Variants in EDARADD observed in about 807,000 individuals in gnomAD.
EDARADD encodes ectodysplasin-A receptor-associated adapter protein.
A neutral mutation model predicts 25.6 loss-of-function variants in EDARADD; 20 were observed. The ratio of observed to expected loss-of-function variants is 0.78; its 90% confidence interval spans 0.55 to 1.14. The LOEUF is 1.14. EDARADD is among the 50% of genes most tolerant of loss of function. EDARADD has a pLI of 0.00. For missense variants in EDARADD, 225 were observed against 270.1 expected (o/e 0.83, Z 1.17); for synonymous variants, 86 against 94.4 (o/e 0.91, Z 0.52).
intron 1 of EDARADD, among the ~76,000 whole-genome samples, chr1:236,405,666 CT>C (rs5781877): frequency 0.5 from 75,522 of 151,484 alleles, 21,218 homozygotes; most frequent in Non-Finnish European, 0.64. Context: ...CTCAATGATG[CT>C]TTTTTTGTGG....
chr1:236,463,161 C>T (rs1189217909), intron 4 of EDARADD, among the ~76,000 whole-genome samples: 4 of 152,210 alleles, frequency 2.6e-5, no homozygotes, highest in East Asian at 1.9e-4. Context: ...CTGCTATCCT[C>T]GGAATAGTGT....
chr1:236,468,317 T>C, intron 5 of EDARADD, 41 bp downstream of exon 5: 1 of 1,592,950 alleles, frequency 6.3e-7, no homozygotes, highest in Non-Finnish European at 8.6e-7. Context: ...TAATAGCTAG[T>C]GTGGCTGAAT....
chr1:236,366,202 G>A (rs1260356010), intron 3 of EDARADD, among the ~76,000 whole-genome samples: 1 of 152,100 alleles, frequency 6.6e-6, no homozygotes, highest in Non-Finnish European at 1.5e-5. Flanking sequence ...GCTGGGTGCT[G>A]GATATTTTTA....
intron 3 of EDARADD, among the ~76,000 whole-genome samples, chr1:236,375,474 G>A (rs1354801293): frequency 6.6e-6 from 1 of 151,868 alleles, no homozygotes; most frequent in East Asian, 1.9e-4. Context: ...TGGCCAACAT[G>A]GTGAAACCCC....
chr1:236,400,462 A>G (rs1215228505), intron 1 of EDARADD, among the ~76,000 whole-genome samples: 1 of 152,156 alleles, frequency 6.6e-6, no homozygotes, highest in Admixed American at 6.6e-5. Context: ...CTGAAAAGAC[A>G]GAGGAAGCTC....
chr1:236,370,285 G>T (rs73121264), intron 3 of EDARADD, among the ~76,000 whole-genome samples: 1,672 of 152,204 alleles, frequency 0.011, 39 homozygotes, highest in African/African-American at 0.039. Context: ...GCCAGGTTTG[G>T]TGGTGTGTGC....
chr1:236,392,034 A>C (rs1343661217), upstream of EDARADD, among the ~76,000 whole-genome samples: 1 of 152,154 alleles, frequency 6.6e-6, no homozygotes, highest in Non-Finnish European at 1.5e-5. Flanking sequence ...GTATTTGCAA[A>C]TCTCTTTTGA....
intron 1 of EDARADD, among the ~76,000 whole-genome samples, chr1:236,402,542 G>C (rs1667631911): frequency 6.6e-6 from 1 of 152,160 alleles, no homozygotes; most frequent in Non-Finnish European, 1.5e-5. Flanking sequence ...GGGTGAGAGA[G>C]TGAAACCCTG....
At position 236,472,343 on chromosome 1, in the gene EDARADD, A is replaced by G. The variant is rs549269993; in HGVS notation, c.265+4067A>G. Among the ~76,000 whole-genome samples the G allele has an allele frequency of 2.6e-5, 4 of 152,296 alleles. No homozygotes were observed. In the South Asian group the frequency reaches 8.3e-4, roughly 32 times the overall value. On this transcript the variant is annotated intron_variant, in intron 5 of 5. Coordinates refer to ENST00000334232, the MANE Select transcript of EDARADD (RefSeq NM_145861.4). ...GGCGGAGGTTTTCAGTCCTGGCTGC[A>G]CATTAGAAGTCCCAGGGGAGCTTTA...
At chr1:236,464,089 C>G (rs1340000522) in intron 4 of EDARADD, among the ~76,000 whole-genome samples, 1 of 152,138 alleles carries the variant, frequency 6.6e-6, no homozygotes, top group African/African-American at 2.4e-5. Context: ...CAGGCCTACA[C>G]AACCACACGC....
chr1:236,482,812 G>A lies in EDARADD; in HGVS notation c.*163G>A, dbSNP rs931091068. 24 of 869,560 alleles carry A rather than the reference G, an allele frequency of 2.8e-5. No individual in the cohort carries two copies. Among genetic ancestry groups the A allele is most frequent in the Admixed American group, 4.9e-5 (2 of 41,210 alleles). 53.9% of individuals were successfully genotyped at this position (869,560 alleles called of 1,614,324 possible). A position where few individuals can be genotyped will look rare whatever the true frequency, so the allele number is the denominator to read the frequency against. ...GTTTTGTGGAGGGGTAGCTTGTTTC[G>A]GTGGTGGATCTCTGTTTATTTTTGC... On this transcript the variant is annotated 3_prime_UTR_variant, in exon 6 of 6. Coordinates refer to ENST00000334232, the MANE Select transcript of EDARADD (RefSeq NM_145861.4).
chr1:236,395,306 G>A lies in EDARADD; in HGVS notation c.61+801G>A. On this transcript the variant is annotated intron_variant, in intron 1 of 5. Transcript: ENST00000334232. The surrounding 1 kb of genome is among the most constrained non-coding windows in gnomAD (Gnocchi z 6.9). Reference sequence around the variant, plus strand: ...GCGCTCTGGGCGCTGGGGACGCCCGGGACACTCGGGGCCCCGCCTTGCGTC... The same window carrying A: ...GCGCTCTGGGCGCTGGGGACGCCCGAGACACTCGGGGCCCCGCCTTGCGTC... 1 of 1,226,804 alleles carries A rather than the reference G, an allele frequency of 8.2e-7. No individual in the cohort carries two copies. The highest frequency in any genetic ancestry group is 1.6e-5 in the African/African-American group (1 of 61,664). The allele number at this position is 1,226,804 out of a possible 1,614,324, so 76.0% of individuals were successfully genotyped here. A position where few individuals can be genotyped will look rare whatever the true frequency, so the allele number is the denominator to read the frequency against.
At chr1:236,432,862 GCTGTGGCTGCAGTGAGCTGTGA>G (rs1658142047) in intron 4 of EDARADD, among the ~76,000 whole-genome samples, 1 of 151,884 alleles carries the variant, frequency 6.6e-6, no homozygotes, top group African/African-American at 2.4e-5. Context: ...AGCCTGGGAG[GCTGTGGCTGCAGTGAGCTGTGA>G]CTGTGCTGCT....
intron 3 of EDARADD, among the ~76,000 whole-genome samples, chr1:236,388,128 A>ATGTG (rs113190602): frequency 2.2e-3 from 331 of 149,682 alleles, no homozygotes; most frequent in East Asian, 6.0e-3. Flanking sequence ...TGCATTGTGT[A>ATGTG]TGTGTGTGTG....
chr1:236,465,495 T>C (rs188677258), intron 4 of EDARADD, among the ~76,000 whole-genome samples: 62 of 152,310 alleles, frequency 4.1e-4, no homozygotes, highest in Non-Finnish European at 7.9e-4. Context: ...TGCCCAGATT[T>C]CAGCAGGGTC....
At chr1:236,352,704 C>T (rs566117027) in intron 3 of EDARADD, among the ~76,000 whole-genome samples, 11 of 152,222 alleles carry the variant, frequency 7.2e-5, no homozygotes, top group East Asian at 1.9e-4. Context: ...AAAAATTAGC[C>T]GGGCGTGGTG....
intron 1 of EDARADD, among the ~76,000 whole-genome samples, chr1:236,407,841 C>T (rs1157730319): frequency 2.7e-5 from 4 of 150,778 alleles, no homozygotes; most frequent in African/African-American, 4.8e-5. Flanking sequence ...TGCCTTTTTC[C>T]GTATTTCCCC....
chr1:236,414,183 C>G (rs144170441), intron 2 of EDARADD, 77 bp from the exon 3 acceptor site: 9 of 1,321,472 alleles, frequency 6.8e-6, no homozygotes, highest in Middle Eastern at 1.8e-4. Context: ...CATAACTTTC[C>G]CAAGACAAAG....
At chr1:236,428,539 T>TA (rs1558121309) in intron 4 of EDARADD, among the ~76,000 whole-genome samples, 2 of 147,134 alleles carry the variant, frequency 1.4e-5, no homozygotes, top group Non-Finnish European at 3.0e-5. Flanking sequence ...ACTTCTCAGA[T>TA]GGGGCGGCCA....
Sources: gnomAD v4.1 joint callset for allele counts (sites outside exome capture counted in the v4.1 genomes callset) on GRCh38, gnomAD v4.1.1 for gene constraint, Gnocchi (gnomAD v3.1) non-coding constraint, MANE v1.5 for transcripts, NCBI Gene and HGNC (gene_info 2026-07-23, HGNC 2026-07-21) for gene names.